ADGRA3: variants seen among roughly 807,000 people sequenced by gnomAD.
The protein encoded by ADGRA3 is adhesion G protein-coupled receptor A3.
In ADGRA3, 56 loss-of-function variants were observed where a neutral mutation model predicts 119.8. The ratio of observed to expected loss-of-function variants is 0.47; its 90% confidence interval spans 0.38 to 0.58. The LOEUF (loss-of-function observed/expected upper bound fraction) is 0.58. ADGRA3 is among the 20% of genes least tolerant of loss of function. The probability of loss-of-function intolerance (pLI) is 0.00; values close to 1 mark genes in which losing one functional copy is unlikely to be tolerated. For missense variants in ADGRA3, 1,516 were observed against 1,649.0 expected, an observed-to-expected ratio of 0.92 and a Z score of 1.40; for synonymous variants, 607 against 623.8, an observed-to-expected ratio of 0.97 and a Z score of 0.40.
intron 1 of ADGRA3, among the ~76,000 whole-genome samples, chr4:22,497,942 TAAAA>T (rs74413790): frequency 9.0e-6 from 1 of 111,456 alleles, no homozygotes. Context: ...AGACCCCATC[TAAAA>T]AAAAAAAAAA....
chr4:22,438,480 A>C (rs1577349027), intron 7 of ADGRA3, 60 bp from the exon 8 acceptor site: 2 of 1,301,142 alleles, frequency 1.5e-6, no homozygotes, highest in East Asian at 4.9e-5. Context: ...AGGAGACAAT[A>C]ATGGGTCTCA....
intron 5 of ADGRA3, 76 bp downstream of exon 5, chr4:22,447,364 C>T: frequency 1.1e-6 from 1 of 897,734 alleles, no homozygotes; most frequent in Non-Finnish European, 1.7e-6. Flanking sequence ...TCTCTGAAAC[C>T]ACATAATAAA....
At chr4:22,502,444 T>C (rs1163267840) in intron 1 of ADGRA3, among the ~76,000 whole-genome samples, 1 of 152,166 alleles carries the variant, frequency 6.6e-6, no homozygotes, top group Non-Finnish European at 1.5e-5. Context: ...GGCAGATATA[T>C]CATATGCTAG....
chr4:22,479,600 G>A (rs1718182737), intron 1 of ADGRA3, among the ~76,000 whole-genome samples: 1 of 152,078 alleles, frequency 6.6e-6, no homozygotes. Context: ...ATTCCTCAAG[G>A]ACCTAGAACC....
chr4:22,476,908 C>T (rs989467689), intron 1 of ADGRA3, among the ~76,000 whole-genome samples: 15 of 152,086 alleles, frequency 9.9e-5, no homozygotes, highest in Non-Finnish European at 1.9e-4. Context: ...CTCAGATGAT[C>T]CGCCCACCTC....
chr4:22,392,954 C>A, intron 16 of ADGRA3: 1 of 338,102 alleles, frequency 3.0e-6, no homozygotes, highest in East Asian at 5.1e-5. Flanking sequence ...TAATACAGGA[C>A]AGAACTGGCT....
intron 1 of ADGRA3, among the ~76,000 whole-genome samples, chr4:22,488,671 G>A (rs1377447545): frequency 1.3e-5 from 2 of 152,186 alleles, no homozygotes; most frequent in African/African-American, 4.8e-5. Flanking sequence ...GGCTATCAGA[G>A]GGGACAGAAA....
intron 6 of ADGRA3, among the ~76,000 whole-genome samples, chr4:22,443,410 A>G (rs1435717851): frequency 6.6e-6 from 1 of 152,146 alleles, no homozygotes; most frequent in Non-Finnish European, 1.5e-5. Context: ...ATATGTACAA[A>G]AATGTACACA....
chr4:22,395,540 T>A (rs1714314989), intron 16 of ADGRA3, among the ~76,000 whole-genome samples: 1 of 152,158 alleles, frequency 6.6e-6, no homozygotes, highest in Non-Finnish European at 1.5e-5. Flanking sequence ...CTGAGAGAAG[T>A]CACCCACTAG....
intron 1 of ADGRA3, among the ~76,000 whole-genome samples, chr4:22,514,733 G>T (rs1719576865): frequency 6.6e-6 from 1 of 152,162 alleles, no homozygotes; most frequent in Non-Finnish European, 1.5e-5. Flanking sequence ...GGGGCCAACT[G>T]TTCAGCTAGA....
At chr4:22,419,661 T>A (rs1715569494) in intron 12 of ADGRA3, among the ~76,000 whole-genome samples, 1 of 152,176 alleles carries the variant, frequency 6.6e-6, no homozygotes, top group South Asian at 2.1e-4. Flanking sequence ...AAGACAGAAG[T>A]GTTCATCAAT....
At position 22,506,124 on chromosome 4, in the gene ADGRA3, C is replaced by T. The variant is rs1577389646; in HGVS notation, c.257+9404G>A. Among the ~76,000 whole-genome samples the T allele has an allele frequency of 3.3e-5, 5 of 152,198 alleles. No homozygotes were observed. The South Asian group carries it at 1.0e-3, about 32-fold the overall frequency. On this transcript the variant is annotated intron_variant, in intron 1 of 18. Transcript: ENST00000334304. ...CTGCAGACAAAAAAGAACAAAAAAA[C>T]CAGGGGTGCTGAAGATGGGGGGAGA...
chr4:22,444,241 C>T (rs779124794), intron 6 of ADGRA3, among the ~76,000 whole-genome samples: 1 of 152,034 alleles, frequency 6.6e-6, no homozygotes, highest in Non-Finnish European at 1.5e-5. Context: ...CTGATCATTT[C>T]CTAAGAATTA....
At chr4:22,465,832 C>T (rs1317873937) in intron 2 of ADGRA3, among the ~76,000 whole-genome samples, 2 of 152,174 alleles carry the variant, frequency 1.3e-5, no homozygotes, top group Non-Finnish European at 2.9e-5. Context: ...AAACCAAACA[C>T]ACTGAAAAGT....
intron 1 of ADGRA3, among the ~76,000 whole-genome samples, chr4:22,475,502 T>C (rs893798966): frequency 6.6e-6 from 1 of 151,292 alleles, no homozygotes; most frequent in Non-Finnish European, 1.5e-5. Context: ...CCGAGGCGGG[T>C]GGATTATGAG....
intron 2 of ADGRA3, among the ~76,000 whole-genome samples, chr4:22,465,828 AAC>A (rs1717637915): frequency 6.6e-6 from 1 of 152,212 alleles, no homozygotes; most frequent in Non-Finnish European, 1.5e-5. Context: ...AGGTAAACCA[AAC>A]ACACTGAAAA....
At chr4:22,506,288 C>T (rs184413231) in intron 1 of ADGRA3, among the ~76,000 whole-genome samples, 2 of 152,150 alleles carry the variant, frequency 1.3e-5, no homozygotes. Flanking sequence ...CACAGTGGCT[C>T]ATGCCTGTAA....
In ADGRA3 at chr4:22,497,728, A is replaced by G. The variant is rs150866927; in HGVS notation, c.257+17800T>C. The stretch of plus-strand genomic sequence containing the variant: ...ATCCCAGCTACTTGAGGCGTACGTT[A>G]CAGTGAGCCAAGATCGCATCATTGC... On this transcript the variant is annotated intron_variant, in intron 1 of 18. Coordinates refer to ENST00000334304, the MANE Select transcript of ADGRA3 (RefSeq NM_145290.4). Among the ~76,000 whole-genome samples the G allele has an allele frequency of 5.9e-4, 84 of 141,464 alleles. 1 individual carries two copies. The highest frequency in any genetic ancestry group is 2.1e-3 in the African/African-American group (78 of 37,708). The allele number at this position is 141,464 out of a possible 152,430, so 92.8% of individuals were successfully genotyped here.
intron 16 of ADGRA3, chr4:22,398,002 G>T: frequency 1.2e-6 from 1 of 848,946 alleles, no homozygotes; most frequent in Non-Finnish European, 1.4e-6. Context: ...TGCAAGGTAA[G>T]TGGGAGTCAG....
Sources: allele counts gnomAD v4.1 joint callset (sites outside exome capture counted in the v4.1 genomes callset), GRCh38; gene constraint gnomAD v4.1.1; transcripts MANE v1.5; gene names NCBI Gene and HGNC (gene_info 2026-07-23, HGNC 2026-07-21).